The following ANKS1B variants were observed in gnomAD, a reference collection of about 807,000 sequenced individuals.
ANKS1B encodes ankyrin repeat and sterile alpha motif domain containing 1B.
A neutral mutation model predicts 148.3 loss-of-function variants in ANKS1B; 36 were observed. That is an observed-to-expected ratio of 0.24 (90% CI 0.19 to 0.32). ANKS1B has a LOEUF of 0.32. Ranked by LOEUF, ANKS1B falls within the 10% of genes least tolerant of loss-of-function variation. The probability of loss-of-function intolerance (pLI) is 1.00; values close to 1 mark genes in which losing one functional copy is unlikely to be tolerated. For synonymous variants in ANKS1B, 542 were observed against 560.8 expected (o/e 0.97, Z 0.47); for missense variants, 1,157 against 1,542.6 (o/e 0.75, Z 4.19).
At chr12:99,369,085 G>T (rs1401374066) in intron 12 of ANKS1B, among the ~76,000 whole-genome samples, 5 of 152,020 alleles carry the variant, frequency 3.3e-5, no homozygotes, top group Admixed American at 3.3e-4. Flanking sequence ...AATTGCAAAG[G>T]GCAAACAGAC....
intron 9 of ANKS1B, among the ~76,000 whole-genome samples, chr12:99,628,050 T>C (rs2098126734): frequency 6.6e-6 from 1 of 152,100 alleles, no homozygotes; most frequent in African/African-American, 2.4e-5. Context: ...CTGAGTACAC[T>C]TACACAAACC....
chr12:99,358,199 C>T (rs1231133851), intron 12 of ANKS1B, among the ~76,000 whole-genome samples: 1 of 151,908 alleles, frequency 6.6e-6, no homozygotes. Context: ...TGTAGTAAAA[C>T]ATATTGATTA....
At chr12:99,217,992 A>G (rs1425364950) in intron 14 of ANKS1B, among the ~76,000 whole-genome samples, 1 of 152,130 alleles carries the variant, frequency 6.6e-6, no homozygotes, top group Non-Finnish European at 1.5e-5. Flanking sequence ...TGTTAAGACA[A>G]GGGCACAGAG....
intron 8 of ANKS1B, among the ~76,000 whole-genome samples, chr12:99,697,793 C>T (rs1483192341): frequency 6.6e-6 from 1 of 152,068 alleles, no homozygotes; most frequent in Non-Finnish European, 1.5e-5. Context: ...AAATATACCA[C>T]ATTAATGTAA....
chr12:98,779,336 T>C (rs1451907244), intron 24 of ANKS1B, among the ~76,000 whole-genome samples: 1 of 152,158 alleles, frequency 6.6e-6, no homozygotes, highest in East Asian at 1.9e-4. Flanking sequence ...CAGAGCTCTC[T>C]TTCATTCCTC....
At chr12:99,786,142 T>C (rs2064988144) in intron 4 of ANKS1B, among the ~76,000 whole-genome samples, 1 of 152,234 alleles carries the variant, frequency 6.6e-6, no homozygotes, top group South Asian at 2.1e-4. Flanking sequence ...CACAAAATTT[T>C]GGACTTGATT....
chr12:98,850,449 G>A, intron 17 of ANKS1B, among the ~76,000 whole-genome samples: 1 of 139,630 alleles, frequency 7.2e-6, no homozygotes, highest in South Asian at 2.4e-4. Context: ...GGAGACCAGA[G>A]AAGCATTGCA....
intron 1 of ANKS1B, among the ~76,000 whole-genome samples, chr12:99,860,318 T>C (rs1192285323): frequency 6.6e-6 from 1 of 152,116 alleles, no homozygotes; most frequent in African/African-American, 2.4e-5. Flanking sequence ...TAAAGGGAGA[T>C]ATGAGACTGC....
At chr12:99,100,690 C>A (rs1257835633) in intron 15 of ANKS1B, among the ~76,000 whole-genome samples, 2 of 152,166 alleles carry the variant, frequency 1.3e-5, no homozygotes, top group Admixed American at 1.3e-4. Context: ...CCATCACGCC[C>A]AGCTAAGTTT....
At chr12:99,504,813 T>A (rs1567228819) in intron 9 of ANKS1B, among the ~76,000 whole-genome samples, 172 bp from the exon 10 acceptor site, 1 of 152,276 alleles carries the variant, frequency 6.6e-6, no homozygotes, top group East Asian at 1.9e-4. Context: ...ATCAGTGATA[T>A]TTTTAAGAGT....
chr12:99,425,681 T>C (rs754399977), intron 11 of ANKS1B, among the ~76,000 whole-genome samples: 14 of 151,882 alleles, frequency 9.2e-5, no homozygotes, highest in Non-Finnish European at 1.6e-4. Flanking sequence ...TTCAGCGCCA[T>C]TAATCATTTT....
chr12:99,369,849 CAGATAGATAGAT>C (rs35658536), intron 12 of ANKS1B, among the ~76,000 whole-genome samples: 118 of 145,626 alleles, frequency 8.1e-4, no homozygotes, highest in East Asian at 3.1e-3. Context: ...CAGACAGAGA[CAGATAGATAGAT>C]AGATAGATAG....
At chr12:99,233,346 C>T (rs753527727) in intron 14 of ANKS1B, among the ~76,000 whole-genome samples, 4 of 152,038 alleles carry the variant, frequency 2.6e-5, no homozygotes, top group Non-Finnish European at 5.9e-5. Flanking sequence ...AGGAAGTTGA[C>T]ATCAGGGAGG....
chr12:99,865,710 C>T (rs547868372), intron 1 of ANKS1B, among the ~76,000 whole-genome samples: 1 of 152,276 alleles, frequency 6.6e-6, no homozygotes, highest in East Asian at 1.9e-4. Flanking sequence ...CTGAAACTAG[C>T]TTAGAAGCCA....
At chr12:99,025,438 G>A (rs895829083) in intron 17 of ANKS1B, among the ~76,000 whole-genome samples, 2 of 152,130 alleles carry the variant, frequency 1.3e-5, no homozygotes, top group African/African-American at 2.4e-5. Flanking sequence ...TCAGAAAAAC[G>A]GATCGTCATG....
Position 98,829,408 on chromosome 12 carries a change from T to C in ANKS1B, c.2887-55A>G, listed in dbSNP as rs1009991051. ...CCATGTTCTGTGGCTAACCTTTGGT[T>C]TCAAAATTGTGAAATACTGACAAGA... On this transcript the variant is annotated intron_variant, in intron 18 of 26. Coordinates refer to ENST00000683438, the MANE Select transcript of ANKS1B (RefSeq NM_001352186.2). The surrounding 1 kb of genome is among the most constrained non-coding windows in gnomAD (Gnocchi z 5.2). 6.4e-7 allele frequency: 1 copy of C among 1,557,808 alleles called. No individual in the cohort carries two copies. The highest frequency in any genetic ancestry group is 1.4e-5 in the African/African-American group (1 of 73,226).
At chr12:99,858,886 C>T (rs1189242518) in intron 1 of ANKS1B, among the ~76,000 whole-genome samples, 6 of 151,776 alleles carry the variant, frequency 4.0e-5, no homozygotes, top group Admixed American at 6.6e-5. Context: ...AAAGAGGGGG[C>T]GGGTGAGGGA....
chr12:99,955,487 C>T (rs1049976075), intron 1 of ANKS1B, among the ~76,000 whole-genome samples: 1 of 93,132 alleles, frequency 1.1e-5, no homozygotes, highest in Admixed American at 1.5e-4. Flanking sequence ...AGCGAAACTC[C>T]GTCTCAAAAA....
chr12:99,023,402 A>T (rs1260716774), intron 17 of ANKS1B, among the ~76,000 whole-genome samples: 1 of 152,150 alleles, frequency 6.6e-6, no homozygotes, highest in African/African-American at 2.4e-5. Flanking sequence ...AGCTGGGTAT[A>T]AATCCTTTGA....
Sources: gnomAD v4.1 joint callset for allele counts (sites outside exome capture counted in the v4.1 genomes callset) on GRCh38, gnomAD v4.1.1 for gene constraint, Gnocchi (gnomAD v3.1) non-coding constraint, MANE v1.5 for transcripts, NCBI Gene and HGNC (gene_info 2026-07-23, HGNC 2026-07-21) for gene names.